FKBP9: variants seen among roughly 807,000 people sequenced by gnomAD.
FKBP9 encodes FKBP prolyl isomerase 9.
A neutral mutation model predicts 55.6 loss-of-function variants in FKBP9; 27 were observed. That is an observed-to-expected ratio of 0.49 (90% CI 0.36 to 0.67). The LOEUF is 0.67. FKBP9 is among the 30% of genes least tolerant of loss of function. The pLI is 0.00. For synonymous variants in FKBP9, 267 were observed against 296.5 expected (o/e 0.90, Z 1.02); for missense variants, 539 against 742.8 (o/e 0.73, Z 3.19).
intron 6 of FKBP9, among the ~76,000 whole-genome samples, chr7:32,992,187 G>A (rs1190089080): frequency 2.0e-5 from 3 of 152,024 alleles, no homozygotes; most frequent in Admixed American, 6.5e-5. Context: ...AGCTCTCAGA[G>A]GAAACACACC....
chr7:32,970,097 T>A (rs1444440790), intron 1 of FKBP9, among the ~76,000 whole-genome samples: 2 of 152,076 alleles, frequency 1.3e-5, no homozygotes, highest in Non-Finnish European at 2.9e-5. Context: ...TTGCATTGAA[T>A]CAATAGATTG....
At chr7:32,979,563 G>T in intron 4 of FKBP9, 2 of 1,550,392 alleles carry the variant, frequency 1.3e-6, no homozygotes, top group Non-Finnish European at 1.7e-6. Flanking sequence ...CTACTCCTTT[G>T]CATGATATAA....
chr7:32,994,325 A>G (rs1032777476), intron 6 of FKBP9, among the ~76,000 whole-genome samples: 16 of 152,170 alleles, frequency 1.1e-4, no homozygotes, highest in Non-Finnish European at 2.2e-4. Context: ...GGATGTTTCC[A>G]TATCCCTGGA....
chr7:32,968,248 C>T (rs1475995711), intron 1 of FKBP9, among the ~76,000 whole-genome samples: 2 of 152,178 alleles, frequency 1.3e-5, no homozygotes, highest in East Asian at 1.9e-4. Context: ...ACCAGGTTGC[C>T]TAGGCTGGTC....
intron 1 of FKBP9, among the ~76,000 whole-genome samples, chr7:32,966,218 G>A (rs1382739746): frequency 5.5e-5 from 8 of 145,952 alleles, no homozygotes; most frequent in Non-Finnish European, 9.0e-5. Flanking sequence ...ATATAGCCAT[G>A]AGGATAGTTA....
chr7:33,005,000 G>GA (rs1046942258), intron 9 of FKBP9, among the ~76,000 whole-genome samples, 175 bp from the exon 10 acceptor site: 12 of 151,516 alleles, frequency 7.9e-5, no homozygotes, highest in South Asian at 6.3e-4. Context: ...TGCATTTAGA[G>GA]AAAAAAAACA....
chr7:32,978,914 A>G (rs544594851), intron 4 of FKBP9, among the ~76,000 whole-genome samples: 1 of 152,232 alleles, frequency 6.6e-6, no homozygotes, highest in Non-Finnish European at 1.5e-5. Flanking sequence ...TATGTGAATT[A>G]TATCTCTGCA....
At chr7:32,965,812 A>AAAATATAT (rs1554284289) in intron 1 of FKBP9, among the ~76,000 whole-genome samples, 2 of 34,936 alleles carry the variant, frequency 5.7e-5, no homozygotes, top group African/African-American at 2.4e-4. Context: ...AAAAAAAAAA[A>AAAATATAT]ATATATATAT....
chr7:32,999,424 A>G (rs901941225), intron 7 of FKBP9, among the ~76,000 whole-genome samples: 8 of 150,428 alleles, frequency 5.3e-5, no homozygotes, highest in African/African-American at 2.0e-4. Context: ...CTTTTTTTTA[A>G]CTGGCTTCCT....
chr7:32,996,740 TTTCTTTC>T (rs1160082653), intron 7 of FKBP9, among the ~76,000 whole-genome samples: 1 of 123,182 alleles, frequency 8.1e-6, no homozygotes, highest in African/African-American at 3.8e-5. Context: ...CCTTCCTTCC[TTTCTTTC>T]TTTTTTTTTT....
chr7:32,977,917 A>G (rs996836311), intron 4 of FKBP9, among the ~76,000 whole-genome samples: 28 of 141,816 alleles, frequency 2.0e-4, no homozygotes, highest in Non-Finnish European at 3.5e-4. Flanking sequence ...ACTCATATAT[A>G]TATACACTTT....
chr7:33,004,707 TTGTC>T (rs1173893080), intron 9 of FKBP9, among the ~76,000 whole-genome samples: 1 of 152,260 alleles, frequency 6.6e-6, no homozygotes, highest in Admixed American at 6.5e-5. Flanking sequence ...TCATGTCTAA[TTGTC>T]TGTTTCCACT....
At chr7:32,961,174 T>C (rs1784015200) in intron 1 of FKBP9, among the ~76,000 whole-genome samples, 1 of 152,198 alleles carries the variant, frequency 6.6e-6, no homozygotes, top group Non-Finnish European at 1.5e-5. Flanking sequence ...TAGGATGGAA[T>C]CCTGGTATGG....
intron 1 of FKBP9, among the ~76,000 whole-genome samples, chr7:32,960,407 G>A (rs1419193245): frequency 7.2e-5 from 11 of 152,136 alleles, no homozygotes; most frequent in African/African-American, 1.7e-4. Flanking sequence ...GAGCCACCAC[G>A]CCTGGCCTGT....
At chr7:32,983,770 C>A (rs1170130463) in intron 5 of FKBP9, among the ~76,000 whole-genome samples, 5 of 152,164 alleles carry the variant, frequency 3.3e-5, no homozygotes, top group Non-Finnish European at 7.3e-5. Flanking sequence ...TAGGAGAAAA[C>A]AATGATACCT....
chr7:32,962,807 G>T (rs1784051005), intron 1 of FKBP9, among the ~76,000 whole-genome samples: 1 of 144,576 alleles, frequency 6.9e-6, no homozygotes, highest in Admixed American at 7.5e-5. Context: ...CTAGTGAGAG[G>T]ACAGGCATAC....
At chr7:32,965,375 C>G (rs1240114281) in intron 1 of FKBP9, among the ~76,000 whole-genome samples, 3 of 152,116 alleles carry the variant, frequency 2.0e-5, no homozygotes, top group African/African-American at 7.2e-5. Context: ...AAGTGATCCA[C>G]CCGCCTGGGC....
intron 1 of FKBP9, among the ~76,000 whole-genome samples, chr7:32,958,819 G>A (rs1783957505): frequency 6.6e-6 from 1 of 152,106 alleles, no homozygotes; most frequent in Admixed American, 6.6e-5. Context: ...TTAGGTTCGG[G>A]GTTAACAGGC....
At chr7:32,966,347 T>C (rs1243192551) in intron 1 of FKBP9, among the ~76,000 whole-genome samples, 1 of 152,014 alleles carries the variant, frequency 6.6e-6, no homozygotes, top group Non-Finnish European at 1.5e-5. Context: ...AAGAGCATCA[T>C]CAGAGGGTGC....
Sources: gnomAD v4.1 joint callset for allele counts (sites outside exome capture counted in the v4.1 genomes callset) on GRCh38, gnomAD v4.1.1 for gene constraint, MANE v1.5 for transcripts, NCBI Gene and HGNC (gene_info 2026-07-23, HGNC 2026-07-21) for gene names.